The following COL24A1 variants were observed in gnomAD, a reference collection of about 807,000 sequenced individuals.
COL24A1 encodes the protein collagen type XXIV alpha 1 chain, also known as collagen alpha-1(XXIV) chain.
Under a neutral mutation model 253.9 loss-of-function variants are expected in COL24A1, and 224 were observed. That is an observed-to-expected ratio of 0.88 (90% confidence interval 0.79 to 0.99). The LOEUF (loss-of-function observed/expected upper bound fraction) is 0.99. COL24A1 is among the 50% of genes least tolerant of loss of function. COL24A1 has a pLI of 0.00. For synonymous variants in COL24A1, 685 were observed against 673.7 expected, an observed-to-expected ratio of 1.02 and a Z score of -0.26; for missense variants, 2,131 against 2,068.5, an observed-to-expected ratio of 1.03 and a Z score of -0.59.
chr1:86,072,302 G>A (rs506748), intron 7 of COL24A1, among the ~76,000 whole-genome samples: 11,597 of 152,140 alleles, frequency 0.076, 1,143 homozygotes, highest in East Asian at 0.44. Context: ...ATATCGACCT[G>A]GGATGCTTGA....
chr1:85,769,983 G>T (rs1667780480), intron 53 of COL24A1, among the ~76,000 whole-genome samples: 1 of 152,000 alleles, frequency 6.6e-6, no homozygotes, highest in African/African-American at 2.4e-5. Context: ...CTATGTCCCA[G>T]CCACAGTACT....
chr1:85,866,825 A>G (rs1230561005), intron 37 of COL24A1, among the ~76,000 whole-genome samples: 1 of 152,054 alleles, frequency 6.6e-6, no homozygotes, highest in Non-Finnish European at 1.5e-5. Context: ...AGTACTTTGT[A>G]TTTGCTGTGC....
chr1:86,137,165 T>G (rs969505177), intron 2 of COL24A1, among the ~76,000 whole-genome samples: 2 of 152,112 alleles, frequency 1.3e-5, no homozygotes, highest in African/African-American at 4.8e-5. Context: ...CGGAAGTAAA[T>G]TGCTTGTTTT....
intron 7 of COL24A1, among the ~76,000 whole-genome samples, chr1:86,067,720 C>A (rs1243477775): frequency 3.3e-5 from 5 of 152,068 alleles, no homozygotes; most frequent in Admixed American, 2.6e-4. Context: ...TTCCCATATG[C>A]CTCATTTATT....
chr1:85,878,294 G>C (rs1026717937), intron 32 of COL24A1, among the ~76,000 whole-genome samples: 34 of 152,156 alleles, frequency 2.2e-4, no homozygotes, highest in African/African-American at 6.5e-4. Flanking sequence ...TTCATAGATG[G>C]TGCCTTCTAG....
At chr1:85,890,961 G>A (rs187382464) in intron 31 of COL24A1, among the ~76,000 whole-genome samples, 189 of 152,172 alleles carry the variant, frequency 1.2e-3, no homozygotes, top group African/African-American at 3.9e-3. Flanking sequence ...CTCTGACTCA[G>A]TCAAAGATTT....
chr1:85,882,490 A>C (rs1161901177), intron 32 of COL24A1, among the ~76,000 whole-genome samples: 4 of 152,078 alleles, frequency 2.6e-5, no homozygotes, highest in Non-Finnish European at 5.9e-5. Flanking sequence ...AAAACAAAAA[A>C]CACACGAATA....
chr1:85,919,102 C>T (rs1686194954), intron 24 of COL24A1, among the ~76,000 whole-genome samples: 1 of 152,132 alleles, frequency 6.6e-6, no homozygotes, highest in African/African-American at 2.4e-5. Context: ...TCCACACAGG[C>T]ACTGCTCCTT....
intron 1 of COL24A1, among the ~76,000 whole-genome samples, chr1:86,146,391 A>C (rs1448995541): frequency 2.0e-5 from 3 of 152,044 alleles, no homozygotes; most frequent in Non-Finnish European, 1.5e-5. Context: ...ATTTTTAATC[A>C]TTCTATGCCT....
At chr1:85,980,444 G>A (rs779881558) in intron 20 of COL24A1, among the ~76,000 whole-genome samples, 10 of 152,218 alleles carry the variant, frequency 6.6e-5, no homozygotes, top group East Asian at 3.9e-4. Context: ...AGTCTCATCC[G>A]AAAAACTCCT....
At chr1:85,853,092 T>C (rs1170152962) in intron 37 of COL24A1, among the ~76,000 whole-genome samples, 4 of 152,212 alleles carry the variant, frequency 2.6e-5, no homozygotes, top group Admixed American at 2.6e-4. Flanking sequence ...TAATATCTGA[T>C]AGGCAGTTTT....
chr1:86,137,561 G>C (rs77665392), intron 2 of COL24A1, among the ~76,000 whole-genome samples: 2,255 of 152,244 alleles, frequency 0.015, 72 homozygotes, highest in East Asian at 0.14. Flanking sequence ...TTTGTGTTAA[G>C]TAACAGCAGA....
At chr1:85,927,055 A>G (rs944322067) in intron 24 of COL24A1, among the ~76,000 whole-genome samples, 2 of 152,134 alleles carry the variant, frequency 1.3e-5, no homozygotes, top group African/African-American at 4.8e-5. Flanking sequence ...AAGGGTTAAG[A>G]ATGTGTGTAG....
chr1:86,087,738 A>T lies in COL24A1; in HGVS notation c.1707+1436T>A, dbSNP rs187714599. On this transcript the variant is annotated intron_variant, in intron 7 of 59. Transcript: ENST00000370571. ...TCAGTACAATCTCCTAAGAGATATG[A>T]GTAGTCAGATGTATACTCAGTAGCA... Among the ~76,000 whole-genome samples the T allele has an allele frequency of 6.6e-5, 10 of 152,308 alleles. No individual in the cohort carries two copies. The South Asian group carries it at 1.2e-3, about 19-fold the overall frequency.
intron 18 of COL24A1, 128 bp from the exon 19 acceptor site, chr1:86,017,332 A>G (rs767188714): frequency 1.1e-5 from 9 of 848,132 alleles, no homozygotes; most frequent in Non-Finnish European, 1.4e-5. Flanking sequence ...GGTTGTAATG[A>G]CTTTTTAGAA....
chr1:85,907,253 T>C lies in COL24A1; in HGVS notation c.2725-6A>G. On this transcript the variant is annotated splice_region_variant and splice_polypyrimidine_tract_variant and intron_variant, in intron 27 of 59. Coordinates refer to ENST00000370571, the MANE Select transcript of COL24A1 (RefSeq NM_152890.7). Reference sequence around the variant, plus strand: ...CCTCTTGCCCCCACATGACCCTATATGTTGTAAATTTAAAGTCAGTTGTAG... The same window carrying C: ...CCTCTTGCCCCCACATGACCCTATACGTTGTAAATTTAAAGTCAGTTGTAG... 3.1e-6 allele frequency: 5 copies of C among 1,609,502 alleles called. No homozygotes were observed. Among genetic ancestry groups the C allele is most frequent in the Non-Finnish European group, 4.2e-6 (5 of 1,176,620 alleles).
intron 32 of COL24A1, among the ~76,000 whole-genome samples, chr1:85,881,462 CA>C (rs35434904): frequency 0.016 from 2,307 of 141,858 alleles, 12 homozygotes; most frequent in Non-Finnish European, 0.025. Flanking sequence ...ACTAAAAATA[CA>C]AAAAAAAAAA....
chr1:86,145,469 C>T (rs568731561), intron 2 of COL24A1, among the ~76,000 whole-genome samples: 26 of 151,620 alleles, frequency 1.7e-4, no homozygotes, highest in Non-Finnish European at 1.5e-4. Context: ...ATTTTTTTCA[C>T]TTTGATGCTA....
intron 59 of COL24A1, among the ~76,000 whole-genome samples, chr1:85,733,223 CATAGTACACAAAG>C (rs1663691670): frequency 1.3e-5 from 2 of 152,080 alleles, no homozygotes; most frequent in Non-Finnish European, 2.9e-5. Context: ...TCATGGGTTT[CATAGTACACAAAG>C]ATAGGAAATG....
Sources: gnomAD v4.1 joint callset for allele counts (sites outside exome capture counted in the v4.1 genomes callset) on GRCh38, gnomAD v4.1.1 for gene constraint, MANE v1.5 for transcripts, NCBI Gene and HGNC (gene_info 2026-07-23, HGNC 2026-07-21) for gene names.